Variants in NTM observed in about 807,000 individuals in gnomAD.
The protein encoded by NTM is IgLON family member 2.
In NTM, 13 loss-of-function variants were observed where a neutral mutation model predicts 42.1. That is an observed-to-expected ratio of 0.31 (90% CI 0.20 to 0.49). The LOEUF (loss-of-function observed/expected upper bound fraction) is 0.49, where lower values mean the gene tolerates loss of function less well. NTM is among the 20% of genes least tolerant of loss of function. The probability of loss-of-function intolerance (pLI) is 0.99; values close to 1 mark genes in which losing one functional copy is unlikely to be tolerated. For synonymous variants in NTM, 187 were observed against 179.2 expected (o/e 1.04, Z -0.35); for missense variants, 373 against 452.8 (o/e 0.82, Z 1.60).
chr11:131,382,394 T>C (rs1354996647), intron 1 of NTM, among the ~76,000 whole-genome samples: 4 of 152,110 alleles, frequency 2.6e-5, no homozygotes, highest in Non-Finnish European at 4.4e-5. Flanking sequence ...TGAGTATAGG[T>C]AATTTCATAT....
intron 2 of NTM, among the ~76,000 whole-genome samples, chr11:131,920,261 GT>G (rs1182908617): frequency 6.6e-6 from 1 of 152,198 alleles, no homozygotes; most frequent in Non-Finnish European, 1.5e-5. Context: ...GGAAGAGGTA[GT>G]TTAAGACTCT....
intron 2 of NTM, among the ~76,000 whole-genome samples, chr11:132,049,430 G>C (rs1478605804): frequency 6.6e-6 from 1 of 152,186 alleles, no homozygotes; most frequent in African/African-American, 2.4e-5. Context: ...CCCTGGAAGA[G>C]AGGCTAGGCT....
chr11:131,850,118 G>A (rs2045364581), intron 1 of NTM, among the ~76,000 whole-genome samples: 2 of 151,666 alleles, frequency 1.3e-5, no homozygotes, highest in East Asian at 1.9e-4. Flanking sequence ...TAGTGTAGAT[G>A]TAAACACTTA....
chr11:131,540,853 C>G (rs200582469), intron 1 of NTM: 2 of 152,206 alleles, frequency 1.3e-5, no homozygotes, highest in Non-Finnish European at 2.9e-5. Flanking sequence ...CATTAGGAAG[C>G]GGTGACATCA....
intron 2 of NTM, among the ~76,000 whole-genome samples, chr11:131,966,984 A>T (rs1593248409): frequency 6.6e-6 from 1 of 152,288 alleles, no homozygotes; most frequent in East Asian, 1.9e-4. Flanking sequence ...GATGTGAGGG[A>T]AAGAGAGGTG....
At chr11:132,020,942 A>G (rs2074240070) in intron 2 of NTM, among the ~76,000 whole-genome samples, 1 of 151,986 alleles carries the variant, frequency 6.6e-6, no homozygotes, top group Non-Finnish European at 1.5e-5. Context: ...AGTGTTTTTA[A>G]TCAAATTTGG....
chr11:132,172,344 CCT>C (rs2076224977), intron 3 of NTM, among the ~76,000 whole-genome samples: 4 of 152,182 alleles, frequency 2.6e-5, no homozygotes, highest in Admixed American at 2.6e-4. Context: ...TTCTCTGCCT[CCT>C]GTCTAGTTCT....
At chr11:131,789,979 AAAG>A (rs2090694246) in intron 1 of NTM, among the ~76,000 whole-genome samples, 1 of 150,866 alleles carries the variant, frequency 6.6e-6, no homozygotes. Context: ...AAAAAAAAAA[AAAG>A]CATGCTTCTC....
intron 1 of NTM, among the ~76,000 whole-genome samples, chr11:131,817,677 C>A (rs912121614): frequency 1.3e-5 from 2 of 152,222 alleles, no homozygotes; most frequent in African/African-American, 4.8e-5. Flanking sequence ...GGCCTCTGAG[C>A]TTCCATGAGG....
chr11:132,115,417 C>A (rs576706869), intron 2 of NTM, among the ~76,000 whole-genome samples: 1 of 152,278 alleles, frequency 6.6e-6, no homozygotes, highest in East Asian at 1.9e-4. Context: ...CATGAGATTG[C>A]ACAACTTAAA....
At chr11:131,423,508 A>T (rs1947744279) in intron 1 of NTM, among the ~76,000 whole-genome samples, 1 of 152,208 alleles carries the variant, frequency 6.6e-6, no homozygotes, top group South Asian at 2.1e-4. Flanking sequence ...TAGGACCTCT[A>T]CTAGTGTGTG....
intron 1 of NTM, among the ~76,000 whole-genome samples, chr11:131,742,266 T>C (rs2081292254): frequency 6.6e-6 from 1 of 152,228 alleles, no homozygotes; most frequent in Non-Finnish European, 1.5e-5. Flanking sequence ...ACTCAAAATG[T>C]GTAAATTCTG....
At chr11:131,544,595 A>G (rs1011075287) in intron 1 of NTM, among the ~76,000 whole-genome samples, 1 of 152,196 alleles carries the variant, frequency 6.6e-6, no homozygotes, top group Non-Finnish European at 1.5e-5. Flanking sequence ...GTTCAACTCC[A>G]TGGTGGCACT....
intron 1 of NTM, among the ~76,000 whole-genome samples, chr11:131,871,470 C>T (rs2047775307): frequency 6.6e-6 from 1 of 152,194 alleles, no homozygotes; most frequent in Non-Finnish European, 1.5e-5. Context: ...CACAGGCAGG[C>T]AGACACAGCA....
At chr11:131,744,639 A>G (rs1438605595) in intron 1 of NTM, among the ~76,000 whole-genome samples, 4 of 152,180 alleles carry the variant, frequency 2.6e-5, no homozygotes, top group Admixed American at 2.6e-4. Context: ...AAAAAGATGA[A>G]TTTCCTAATT....
intron 1 of NTM, among the ~76,000 whole-genome samples, chr11:131,733,708 G>A (rs895714599): frequency 4.6e-5 from 7 of 152,090 alleles, no homozygotes; most frequent in Non-Finnish European, 1.0e-4. Flanking sequence ...GCTAATTTTT[G>A]TATCTTTAGT....
chr11:131,686,092 A>AGCTACAG (rs1455298151), intron 1 of NTM, among the ~76,000 whole-genome samples: 1 of 152,148 alleles, frequency 6.6e-6, no homozygotes. Flanking sequence ...CCCACCAGAG[A>AGCTACAG]GCTACAGGCC....
intron 1 of NTM, among the ~76,000 whole-genome samples, chr11:131,659,833 G>C (rs1048991961): frequency 1.1e-4 from 16 of 152,198 alleles, no homozygotes; most frequent in Admixed American, 9.2e-4. Context: ...GCTCTGAGCT[G>C]TCCTCCACGG....
chr11:132,182,490 G>T (rs1453109906), intron 3 of NTM, among the ~76,000 whole-genome samples: 1 of 152,170 alleles, frequency 6.6e-6, no homozygotes, highest in Non-Finnish European at 1.5e-5. Context: ...GCCACACAGG[G>T]TCTCTGCAAG....
Sources: allele counts gnomAD v4.1 joint callset (sites outside exome capture counted in the v4.1 genomes callset), GRCh38; gene constraint gnomAD v4.1.1; transcripts MANE v1.5; gene names NCBI Gene and HGNC (gene_info 2026-07-23, HGNC 2026-07-21).